The following PVT1 variants were observed in gnomAD, a reference collection of about 807,000 sequenced individuals.
PVT1 encodes the protein CXCR4/PVT1 fusion.
intron 4 of PVT1, among the ~76,000 whole-genome samples, chr8:128,062,263 G>T (rs1351428136): frequency 1.3e-5 from 2 of 152,166 alleles, no homozygotes; most frequent in African/African-American, 2.4e-5. Context: ...TCTCTCAATT[G>T]CTACAAAACC....
At chr8:127,867,244 G>A (rs1270378595) in intron 2 of PVT1, among the ~76,000 whole-genome samples, 1 of 152,238 alleles carries the variant, frequency 6.6e-6, no homozygotes, top group Non-Finnish European at 1.5e-5. Flanking sequence ...AGGGGGAGGG[G>A]CACACTTGCC....
intron 2 of PVT1, among the ~76,000 whole-genome samples, chr8:127,867,148 G>C (rs1815294093): frequency 6.6e-6 from 1 of 152,232 alleles, no homozygotes; most frequent in African/African-American, 2.4e-5. Flanking sequence ...CCTCGGGCTT[G>C]CTTGCCCAGA....
chr8:127,881,120 C>A (rs535011312), intron 2 of PVT1, among the ~76,000 whole-genome samples: 5 of 152,254 alleles, frequency 3.3e-5, no homozygotes, highest in Non-Finnish European at 7.3e-5. Flanking sequence ...CTTGTGGAGA[C>A]CCACATTGTG....
chr8:127,869,652 A>C (rs911499640), intron 2 of PVT1, among the ~76,000 whole-genome samples: 2 of 152,172 alleles, frequency 1.3e-5, no homozygotes, highest in African/African-American at 4.8e-5. Context: ...CTGCTACTTC[A>C]TAACCTGCAA....
intron 5 of PVT1, among the ~76,000 whole-genome samples, chr8:128,074,804 C>T (rs1001483971): frequency 6.6e-6 from 1 of 152,180 alleles, no homozygotes; most frequent in African/African-American, 2.4e-5. Context: ...AGATTTTCCT[C>T]CCTGGAGCTG....
chr8:128,025,606 G>A (rs1438175710), intron 4 of PVT1, among the ~76,000 whole-genome samples: 1 of 152,224 alleles, frequency 6.6e-6, no homozygotes, highest in African/African-American at 2.4e-5. Flanking sequence ...TTAGATGTTA[G>A]GGAAGATTTA....
chr8:127,872,343 G>GGT (rs768776002), intron 2 of PVT1, among the ~76,000 whole-genome samples: 1 of 152,110 alleles, frequency 6.6e-6, no homozygotes, highest in Non-Finnish European at 1.5e-5. Context: ...AACCCAGGAG[G>GGT]TGGAGATTGC....
intron 3 of PVT1, among the ~76,000 whole-genome samples, chr8:127,941,709 G>A (rs1187870112): frequency 6.6e-6 from 1 of 152,202 alleles, no homozygotes; most frequent in Non-Finnish European, 1.5e-5. Flanking sequence ...TGAACACCGT[G>A]ATCATCATGC....
At chr8:128,022,289 C>G (rs1478552303) in intron 4 of PVT1, among the ~76,000 whole-genome samples, 1 of 152,172 alleles carries the variant, frequency 6.6e-6, no homozygotes, top group East Asian at 1.9e-4. Flanking sequence ...TTGACCTTTA[C>G]CCTGGATTTA....
intron 5 of PVT1, among the ~76,000 whole-genome samples, chr8:128,094,873 A>G (rs1814406950): frequency 1.3e-5 from 2 of 152,164 alleles, no homozygotes; most frequent in South Asian, 2.1e-4. Context: ...GAGCCTCCCC[A>G]GACCTCTCAG....
Position 127,893,509 on chromosome 8 carries a change from A to G in PVT1, n.782+2511A>G, listed in dbSNP as rs1327205170. 2.0e-5 allele frequency among the ~76,000 whole-genome samples: 3 copies of G among 152,146 alleles called. No individual in the cohort carries two copies. In the East Asian group the frequency reaches 5.8e-4, roughly 29 times the overall value. On this transcript the variant is annotated intron_variant and non_coding_transcript_variant, in intron 3 of 10. Coordinates refer to ENST00000651587, the Ensembl canonical transcript of PVT1. ...TGATCTGCCTGCCTCGGCCTCCTAA[A>G]GAGCTGCGATTACAAGCGTGACCCA...
chr8:127,940,656 G>A (rs1333036449), intron 3 of PVT1, among the ~76,000 whole-genome samples: 2 of 152,046 alleles, frequency 1.3e-5, no homozygotes, highest in Non-Finnish European at 2.9e-5. Flanking sequence ...AGGCTGGAGT[G>A]CATGGTGTGA....
intron 2 of PVT1, among the ~76,000 whole-genome samples, chr8:127,831,718 G>A (rs969196224): frequency 6.6e-6 from 1 of 152,174 alleles, no homozygotes; most frequent in Non-Finnish European, 1.5e-5. Flanking sequence ...GGAAGGAGGA[G>A]AGTCATCACT....
At chr8:127,933,857 A>G (rs1315738370) in intron 3 of PVT1, among the ~76,000 whole-genome samples, 1 of 152,202 alleles carries the variant, frequency 6.6e-6, no homozygotes, top group Admixed American at 6.5e-5. Flanking sequence ...CAGTTTCTCT[A>G]CATCCTGGGT....
At chr8:127,910,673 G>T (rs1815883250) in intron 3 of PVT1, among the ~76,000 whole-genome samples, 1 of 152,124 alleles carries the variant, frequency 6.6e-6, no homozygotes, top group Non-Finnish European at 1.5e-5. Flanking sequence ...TGCGAATTTG[G>T]TCTCATCTGT....
chr8:128,023,719 A>G (rs942127603), intron 4 of PVT1, among the ~76,000 whole-genome samples: 11 of 152,206 alleles, frequency 7.2e-5, no homozygotes, highest in African/African-American at 2.7e-4. Flanking sequence ...TGGAAATGCC[A>G]TTTGCTGGAC....
chr8:127,948,615 C>G (rs937257621), intron 3 of PVT1: 8 of 152,322 alleles, frequency 5.3e-5, no homozygotes, highest in African/African-American at 1.9e-4. Context: ...GCTCACGTGG[C>G]GGGGCTCCAA....
intron 4 of PVT1, among the ~76,000 whole-genome samples, chr8:127,991,215 T>C (rs1244554111): frequency 6.8e-6 from 1 of 146,158 alleles, no homozygotes; most frequent in Non-Finnish European, 1.5e-5. Context: ...CAATCTCGGC[T>C]CACTGTAAGC....
At chr8:127,854,071 A>G (rs1413483710) in intron 2 of PVT1, among the ~76,000 whole-genome samples, 1 of 152,094 alleles carries the variant, frequency 6.6e-6, no homozygotes, top group Non-Finnish European at 1.5e-5. Flanking sequence ...TCCTGCCCCA[A>G]GGCCGCCCAC....
Sources: allele counts gnomAD v4.1 joint callset (sites outside exome capture counted in the v4.1 genomes callset), GRCh38; gene constraint gnomAD v4.1.1; transcripts MANE v1.5; gene names NCBI Gene and HGNC (gene_info 2026-07-23, HGNC 2026-07-21).